The following LRP1B variants were observed in gnomAD, a reference collection of about 807,000 sequenced individuals.
LRP1B encodes the protein LDL receptor related protein 1B.
LRP1B carries 217 observed loss-of-function variants against 556.6 expected under a neutral mutation model. The ratio of observed to expected loss-of-function variants is 0.39; its 90% CI spans 0.35 to 0.44. LRP1B has a LOEUF of 0.44. Among genes scored for constraint, LRP1B ranks in the 20% least tolerant of loss-of-function variants. LRP1B has a pLI of 1.00. For missense variants in LRP1B, 5,053 were observed against 5,620.8 expected (o/e 0.90, Z 3.23); for synonymous variants, 2,047 against 1,865.8 (o/e 1.10, Z -2.50).
rs1337966434 is a variant in LRP1B, at chr2:141,372,972, A to AT, written c.343+107423dup. The stretch of plus-strand genomic sequence containing the variant: ...TGCAACATTAGCTTGCTATTTTGTG[A>AT]TTTTTCTACTTTATTGATGTATGCA... On this transcript the variant is annotated intron_variant, in intron 3 of 90. Coordinates refer to ENST00000389484, the MANE Select transcript of LRP1B (RefSeq NM_018557.3). Among the ~76,000 whole-genome samples, 3 of 151,694 alleles carry AT rather than the reference A, an allele frequency of 2.0e-5. No individual in the cohort carries two copies. The East Asian group carries it at 5.8e-4, about 29-fold the overall frequency.
At chr2:140,880,982 T>C (rs1249274108) in intron 25 of LRP1B, among the ~76,000 whole-genome samples, 1 of 152,114 alleles carries the variant, frequency 6.6e-6, no homozygotes, top group East Asian at 1.9e-4. Context: ...AAGCTTAAGA[T>C]TTAGTAGAAA....
chr2:141,665,630 A>T (rs1484238251), intron 2 of LRP1B, among the ~76,000 whole-genome samples: 1 of 152,236 alleles, frequency 6.6e-6, no homozygotes, highest in East Asian at 1.9e-4. Context: ...ATGCATTCAT[A>T]TGTTCATTGT....
chr2:141,722,052 T>C (rs1255300196), intron 2 of LRP1B, among the ~76,000 whole-genome samples: 3 of 152,160 alleles, frequency 2.0e-5, no homozygotes, highest in African/African-American at 7.2e-5. Flanking sequence ...TCTGTAGTTT[T>C]CCACAAATGC....
At chr2:142,006,116 TA>T (rs911473723) in intron 1 of LRP1B, among the ~76,000 whole-genome samples, 1 of 151,918 alleles carries the variant, frequency 6.6e-6, no homozygotes, top group Non-Finnish European at 1.5e-5. Context: ...ACATCAACAA[TA>T]AAAAAATGAA....
intron 7 of LRP1B, among the ~76,000 whole-genome samples, chr2:141,118,917 T>C (rs533653077): frequency 6.6e-6 from 1 of 152,006 alleles, no homozygotes; most frequent in East Asian, 1.9e-4. Context: ...TACAGCAATG[T>C]CATTCAAGAA....
At chr2:140,776,343 T>C in intron 32 of LRP1B, 105 bp from the exon 33 acceptor site, 2 of 727,256 alleles carry the variant, frequency 2.8e-6, no homozygotes, top group Non-Finnish European at 3.9e-6. Context: ...TTGTTATATT[T>C]CCAAACTCTG....
rs1218906470 is a variant in LRP1B, at chr2:141,034,794, T to C, written c.1789+14192A>G. On this transcript the variant is annotated intron_variant, in intron 11 of 90. Coordinates refer to ENST00000389484, the MANE Select transcript of LRP1B (RefSeq NM_018557.3). ...CTAGTTCAACCATTGTGGAAGTCAG[T>C]GTGGCGATTCCTCAGGGATCTAGAA... 9.4e-5 allele frequency among the ~76,000 whole-genome samples: 14 copies of C among 149,402 alleles called. No individual in the cohort carries two copies. In the East Asian group the frequency reaches 2.8e-3, roughly 30 times the overall value.
chr2:140,541,175 T>A (rs1459202762), intron 44 of LRP1B, 77 bp from the exon 45 acceptor site: 3 of 1,237,698 alleles, frequency 2.4e-6, no homozygotes, highest in Non-Finnish European at 2.3e-6. Context: ...AATCGTAAAC[T>A]ATTAGACTGC....
chr2:140,340,855 CA>C (rs1268354449), intron 77 of LRP1B, among the ~76,000 whole-genome samples: 1 of 151,484 alleles, frequency 6.6e-6, no homozygotes, highest in Non-Finnish European at 1.5e-5. Context: ...TTGTGTCTAT[CA>C]CCAGTGTTCC....
At chr2:141,816,954 C>T (rs60976197) in intron 1 of LRP1B, among the ~76,000 whole-genome samples, 10,965 of 152,066 alleles carry the variant, frequency 0.072, 434 homozygotes, top group East Asian at 0.12. Context: ...TAAAAATAGC[C>T]TGCTATATAA....
At chr2:141,391,476 T>C (rs1690048110) in intron 3 of LRP1B, among the ~76,000 whole-genome samples, 2 of 152,082 alleles carry the variant, frequency 1.3e-5, no homozygotes, top group African/African-American at 2.4e-5. Flanking sequence ...GGTGGCGTGT[T>C]TGAGAAGCTG....
At chr2:141,236,508 G>T (rs1683652091) in intron 5 of LRP1B, among the ~76,000 whole-genome samples, 1 of 152,112 alleles carries the variant, frequency 6.6e-6, no homozygotes, top group Non-Finnish European at 1.5e-5. Context: ...TCACAGGCAG[G>T]AGTAATTAGT....
intron 66 of LRP1B, among the ~76,000 whole-genome samples, chr2:140,430,888 G>A (rs576117579): frequency 1.3e-4 from 20 of 152,230 alleles, no homozygotes; most frequent in East Asian, 1.2e-3. Context: ...CATCAAGCTC[G>A]GGGATTTGCC....
At chr2:141,496,294 C>T (rs1475525242) in intron 2 of LRP1B, among the ~76,000 whole-genome samples, 13 of 151,764 alleles carry the variant, frequency 8.6e-5, no homozygotes, top group Non-Finnish European at 1.9e-4. Flanking sequence ...AAATGCCAAA[C>T]TTTAATGTAC....
intron 1 of LRP1B, among the ~76,000 whole-genome samples, chr2:141,957,600 A>G (rs1312543323): frequency 2.0e-5 from 3 of 151,932 alleles, no homozygotes; most frequent in African/African-American, 4.8e-5. Flanking sequence ...CTCTTTTCCT[A>G]TGATTCCAAA....
intron 87 of LRP1B, among the ~76,000 whole-genome samples, chr2:140,246,332 ATT>A (rs1169096117): frequency 6.6e-6 from 1 of 151,340 alleles, no homozygotes; most frequent in Non-Finnish European, 1.5e-5. Context: ...GACAATACAA[ATT>A]TTTCAAAGGT....
At chr2:141,554,192 G>GTT (rs1389250400) in intron 2 of LRP1B, among the ~76,000 whole-genome samples, 80 of 142,650 alleles carry the variant, frequency 5.6e-4, no homozygotes, top group Non-Finnish European at 2.6e-4. Flanking sequence ...CTAGATATGG[G>GTT]TTATATATAT....
chr2:141,115,723 C>T (rs1224987601), intron 7 of LRP1B, among the ~76,000 whole-genome samples: 2 of 151,622 alleles, frequency 1.3e-5, no homozygotes, highest in Non-Finnish European at 2.9e-5. Flanking sequence ...ACCTCATGAT[C>T]CGCCCCTCTC....
At chr2:142,075,724 C>T (rs934905483) in intron 1 of LRP1B, among the ~76,000 whole-genome samples, 3 of 152,048 alleles carry the variant, frequency 2.0e-5, no homozygotes, top group Non-Finnish European at 2.9e-5. Flanking sequence ...TGTTTCCCTC[C>T]GCCTCTATTC....
Sources: gnomAD v4.1 joint callset for allele counts (sites outside exome capture counted in the v4.1 genomes callset) on GRCh38, gnomAD v4.1.1 for gene constraint, MANE v1.5 for transcripts, NCBI Gene and HGNC (gene_info 2026-07-23, HGNC 2026-07-21) for gene names.